KCNC2: variants seen among roughly 807,000 people sequenced by gnomAD.
The protein encoded by KCNC2 is potassium voltage-gated channel subfamily C member 2.
A neutral mutation model predicts 44.5 loss-of-function variants in KCNC2; 21 were observed. The observed-to-expected ratio is 0.47, with a 90% confidence interval of 0.33 to 0.68. The LOEUF is 0.68. Among genes scored for constraint, KCNC2 ranks in the 30% least tolerant of loss-of-function variants. The pLI is 0.01. For synonymous variants in KCNC2, 391 were observed against 339.1 expected, an observed-to-expected ratio of 1.15 and a Z score of -1.68; for missense variants, 589 against 826.2, an observed-to-expected ratio of 0.71 and a Z score of 3.52.
chr12:75,142,373 G>T (rs1346443442), intron 2 of KCNC2, among the ~76,000 whole-genome samples: 1 of 152,112 alleles, frequency 6.6e-6, no homozygotes, highest in African/African-American at 2.4e-5. Context: ...ATGAAGATTT[G>T]AAAATAAAAT....
At chr12:75,109,499 C>A (rs551520658) in intron 2 of KCNC2, among the ~76,000 whole-genome samples, 1 of 152,272 alleles carries the variant, frequency 6.6e-6, no homozygotes, top group South Asian at 2.1e-4. Flanking sequence ...AGAGCTGCAG[C>A]TGGGGCTATA....
intron 2 of KCNC2, among the ~76,000 whole-genome samples, chr12:75,181,572 T>C (rs994757946): frequency 4.6e-5 from 7 of 152,196 alleles, no homozygotes; most frequent in Non-Finnish European, 7.3e-5. Context: ...CCTCTCATTT[T>C]CTCAACCTTT....
intron 2 of KCNC2, among the ~76,000 whole-genome samples, chr12:75,190,287 T>C (rs2030070189): frequency 6.6e-6 from 1 of 152,212 alleles, no homozygotes; most frequent in Non-Finnish European, 1.5e-5. Flanking sequence ...TTCTTTCAGT[T>C]CCTTTAATTT....
rs1003891953 is a variant in KCNC2 at position 75,041,575 on chromosome 12, T to C, written c.*1530A>G. The stretch of plus-strand genomic sequence containing the variant: ...TTTCTTCCCTCACATGCTCAATACA[T>C]GAGACACGCTATTGCTGTTGAATTC... On this transcript the variant is annotated 3_prime_UTR_variant, in exon 5 of 5. Transcript: ENST00000549446. The C allele has an allele frequency of 3.7e-6, 4 of 1,076,590 alleles. No homozygotes were observed. Among genetic ancestry groups the C allele is most frequent in the Non-Finnish European group, 3.4e-6 (3 of 881,312 alleles). The allele number at this position is 1,076,590 out of a possible 1,614,324, so 66.7% of individuals were successfully genotyped here.
chr12:75,178,820 A>C (rs1677914071), intron 2 of KCNC2, among the ~76,000 whole-genome samples: 1 of 152,086 alleles, frequency 6.6e-6, no homozygotes, highest in Admixed American at 6.6e-5. Context: ...GTTCAGGGTT[A>C]AGATTGCCAT....
chr12:75,208,023 C>T (rs201306290), intron 1 of KCNC2, 21 bp from the exon 2 acceptor site: 46 of 1,608,032 alleles, frequency 2.9e-5, no homozygotes, highest in Middle Eastern at 3.3e-4. Flanking sequence ...GCAAACACAG[C>T]GCCGAGTTAA....
intron 2 of KCNC2, among the ~76,000 whole-genome samples, chr12:75,095,196 C>G (rs1308114908): frequency 6.6e-6 from 1 of 151,812 alleles, no homozygotes; most frequent in Admixed American, 6.6e-5. Flanking sequence ...AATTACACCA[C>G]CATGCTACTG....
At chr12:75,137,023 A>G (rs928700697) in intron 2 of KCNC2, among the ~76,000 whole-genome samples, 1 of 151,752 alleles carries the variant, frequency 6.6e-6, no homozygotes, top group Non-Finnish European at 1.5e-5. Context: ...TTCCTTCCCA[A>G]CTCTTCTTCA....
intron 2 of KCNC2, among the ~76,000 whole-genome samples, chr12:75,189,248 C>T (rs1381662375): frequency 6.6e-6 from 1 of 152,126 alleles, no homozygotes; most frequent in African/African-American, 2.4e-5. Flanking sequence ...GTTTTTCAGT[C>T]ATTAGTGTTT....
At chr12:75,128,644 C>A (rs957931950) in intron 2 of KCNC2, among the ~76,000 whole-genome samples, 1 of 151,398 alleles carries the variant, frequency 6.6e-6, no homozygotes, top group Non-Finnish European at 1.5e-5. Context: ...TTCTTCAAAT[C>A]CTACAACAGG....
chr12:75,198,295 A>G (rs749753653), intron 2 of KCNC2, among the ~76,000 whole-genome samples: 24 of 151,852 alleles, frequency 1.6e-4, no homozygotes, highest in African/African-American at 2.4e-4. Flanking sequence ...CGCATCCACT[A>G]ATTATTTTAG....
chr12:75,136,930 C>T (rs1334522766), intron 2 of KCNC2, among the ~76,000 whole-genome samples: 2 of 152,164 alleles, frequency 1.3e-5, no homozygotes, highest in Non-Finnish European at 2.9e-5. Flanking sequence ...CATGTTCCCA[C>T]CACAACATTC....
intron 2 of KCNC2, among the ~76,000 whole-genome samples, chr12:75,080,292 ACATC>A (rs1884371745): frequency 6.6e-6 from 1 of 151,676 alleles, no homozygotes; most frequent in Non-Finnish European, 1.5e-5. Context: ...TAGCATTTTT[ACATC>A]AAGTTTGAGG....
chr12:75,094,669 T>G (rs1460352672), intron 2 of KCNC2, among the ~76,000 whole-genome samples: 1 of 151,748 alleles, frequency 6.6e-6, no homozygotes, highest in Non-Finnish European at 1.5e-5. Context: ...CAACTTTCCA[T>G]AAGAAGAATT....
chr12:75,041,039 TA>T lies in KCNC2; in HGVS notation c.*2065del. On this transcript the variant is annotated 3_prime_UTR_variant, in exon 5 of 5. Coordinates refer to ENST00000549446, the MANE Select transcript of KCNC2 (RefSeq NM_139137.4). ...ATGAGTTCCAGCCGCAGTTCTTTTA[TA>T]AGCTTTAAGTGCCTCATGAAGACGC... The T allele has an allele frequency of 7.4e-7, 1 of 1,356,900 alleles. No homozygotes were observed. The highest frequency in any genetic ancestry group is 1.0e-6 in the Non-Finnish European group (1 of 962,708). The allele number at this position is 1,356,900 out of a possible 1,614,324, so 84.1% of individuals were successfully genotyped here.
At chr12:75,083,222 G>A (rs1884669936) in intron 2 of KCNC2, among the ~76,000 whole-genome samples, 1 of 151,480 alleles carries the variant, frequency 6.6e-6, no homozygotes, top group Non-Finnish European at 1.5e-5. Flanking sequence ...TACTACTGCT[G>A]TTTTCTGTTT....
intron 2 of KCNC2, among the ~76,000 whole-genome samples, chr12:75,069,569 T>G (rs1219025712): frequency 6.6e-6 from 1 of 152,126 alleles, no homozygotes; most frequent in East Asian, 1.9e-4. Context: ...GTAGACAAAT[T>G]TTGGTGGTTT....
intron 2 of KCNC2, among the ~76,000 whole-genome samples, chr12:75,065,908 T>A (rs776799585): frequency 2.9e-4 from 44 of 152,160 alleles, no homozygotes; most frequent in Non-Finnish European, 4.6e-4. Context: ...ATGATCCGGC[T>A]TCCCTTGACT....
At chr12:75,088,300 A>G (rs1166440243) in intron 2 of KCNC2, among the ~76,000 whole-genome samples, 1 of 152,078 alleles carries the variant, frequency 6.6e-6, no homozygotes, top group Admixed American at 6.6e-5. Flanking sequence ...AATCTATTCC[A>G]TAAACATGTG....
Sources: gnomAD v4.1 joint callset for allele counts (sites outside exome capture counted in the v4.1 genomes callset) on GRCh38, gnomAD v4.1.1 for gene constraint, MANE v1.5 for transcripts, NCBI Gene and HGNC (gene_info 2026-07-23, HGNC 2026-07-21) for gene names.